Variants in CFAP43 observed in about 807,000 individuals in gnomAD.
The protein encoded by CFAP43 is cilia- and flagella-associated protein 43.
A neutral mutation model predicts 218.9 loss-of-function variants in CFAP43; 155 were observed. The ratio of observed to expected loss-of-function variants is 0.71; its 90% CI spans 0.62 to 0.81. The LOEUF is 0.81. Among genes scored for constraint, CFAP43 ranks in the 30% least tolerant of loss-of-function variants. The pLI is 0.00. For synonymous variants in CFAP43, 645 were observed against 681.3 expected (o/e 0.95, Z 0.83); for missense variants, 1,778 against 1,954.3 (o/e 0.91, Z 1.70).
At chr10:104,213,698 G>A (rs1258581212) in intron 4 of CFAP43, among the ~76,000 whole-genome samples, 1 of 152,076 alleles carries the variant, frequency 6.6e-6, no homozygotes, top group African/African-American at 2.4e-5. Flanking sequence ...ACCATGCCCG[G>A]CTAATTTTTT....
Position 104,232,350 on chromosome 10 carries a change from T to A in CFAP43, c.-104A>T, listed in dbSNP as rs900957093. The A allele has an allele frequency of 2.6e-5, 31 of 1,171,352 alleles. No individual in the cohort carries two copies. The highest frequency in any genetic ancestry group is 2.4e-4 in the African/African-American group (15 of 62,750). The allele number at this position is 1,171,352 out of a possible 1,614,324, so 72.6% of individuals were successfully genotyped here. A position where few individuals can be genotyped will look rare whatever the true frequency, so the allele number is the denominator to read the frequency against. On this transcript the variant is annotated 5_prime_UTR_variant, in exon 1 of 38. Transcript: ENST00000357060. ...GGGCTGCGGGCCGCGACGCCGCTGC[T>A]GTGTACACCCGTATCCCGGAGACCG...
intron 5 of CFAP43, among the ~76,000 whole-genome samples, chr10:104,210,982 G>A (rs71473514): frequency 0.037 from 5,555 of 151,582 alleles, 142 homozygotes; most frequent in South Asian, 0.097. Context: ...TAGTAGAGAC[G>A]GGGTTTCACT....
Position 104,131,434 on chromosome 10 carries a change from T to C in CFAP43, c.4728A>G (p.Gly1576=), listed in dbSNP as rs761454319. 2 of 1,613,644 alleles carry C rather than the reference T, an allele frequency of 1.2e-6. No homozygotes were observed. The highest frequency in any genetic ancestry group is 2.2e-5 in the South Asian group (2 of 90,902). The change falls in exon 37 of 38, where the codon GGA becomes GGG. Residue 1576 remains glycine, a synonymous_variant. Transcript: ENST00000357060. ...CTATATCTTTTTGATTGCTGAACTT[T>C]CCAAGTTTTTTGAGTAGTTTCTTGC... is the stretch of plus-strand genomic sequence containing the variant. The part of the protein sequence containing the change: ...ENCKKLLKKL[G]KFSNQKDIAN...
At chr10:104,227,835 CTTTTT>C (rs776193577) in intron 2 of CFAP43, among the ~76,000 whole-genome samples, 5 of 58,368 alleles carry the variant, frequency 8.6e-5, no homozygotes, top group African/African-American at 1.6e-4. Flanking sequence ...ATGTTTTCTA[CTTTTT>C]TTTTTTTTTT....
chr10:104,165,321 G>A (rs2089097551), intron 23 of CFAP43, among the ~76,000 whole-genome samples: 1 of 152,184 alleles, frequency 6.6e-6, no homozygotes, highest in Non-Finnish European at 1.5e-5. Context: ...GATCTGAACA[G>A]CTAGCACAAA....
chr10:104,221,019 A>T (rs2091165017), intron 3 of CFAP43, among the ~76,000 whole-genome samples: 1 of 150,924 alleles, frequency 6.6e-6, no homozygotes, highest in African/African-American at 2.5e-5. Context: ...TCTGTCACCC[A>T]GGCTGGAGTG....
At position 104,132,515 on chromosome 10, in the gene CFAP43, T is replaced by C. The variant is rs533819755; in HGVS notation, c.4597-319A>G. 382 of 445,102 alleles carry C rather than the reference T, an allele frequency of 8.6e-4. 1 individual carries two copies. The highest frequency in any genetic ancestry group is 8.0e-3 in the African/African-American group (372 of 46,656). The allele number at this position is 445,102 out of a possible 1,614,324, so 27.6% of individuals were successfully genotyped here. ...TGTAATCCCAGCTGCTCCGGGAGGGTGAGGCAGGAGAATTGCTTGAACCCA... is the reference window on the plus strand; with the variant it reads ...TGTAATCCCAGCTGCTCCGGGAGGGCGAGGCAGGAGAATTGCTTGAACCCA... On this transcript the variant is annotated intron_variant, in intron 35 of 37. Transcript: ENST00000357060.
chr10:104,230,323 G>A (rs912499814), intron 2 of CFAP43, among the ~76,000 whole-genome samples: 1 of 151,858 alleles, frequency 6.6e-6, no homozygotes. Flanking sequence ...AAATTAGCTG[G>A]GCGTGGTGGT....
chr10:104,162,208 GTGACCTC>G, intron 25 of CFAP43, 102 bp downstream of exon 25: 4 of 1,254,952 alleles, frequency 3.2e-6, no homozygotes, highest in Non-Finnish European at 4.7e-6. Flanking sequence ...TGAGATTCAA[GTGACCTC>G]TGACCACGAC....
chr10:104,230,608 T>A lies in CFAP43; in HGVS notation c.301A>T (p.Arg101Ter). The stretch of plus-strand genomic sequence containing the variant: ...AGAATACCTTTCAATTTGGTCCTTC[T>A]GGTCAATCCTGGAAAGCTGTATACG... ...IYVYSFPGLT[R>*]RTKLKGNILL... Residue 101 changes from arginine (R) to a stop codon, truncating the protein, a stop_gained, in exon 2 of 38, where the codon AGA (arginine) becomes TGA (stop). Coordinates refer to ENST00000357060, the MANE Select transcript of CFAP43 (RefSeq NM_025145.7). LOFTEE classifies it high-confidence loss of function. 5.0e-6 allele frequency: 8 copies of A among 1,614,076 alleles called. No homozygotes were observed. Among genetic ancestry groups the A allele is most frequent in the Non-Finnish European group, 6.8e-6 (8 of 1,179,996 alleles).
At chr10:104,159,333 C>G (rs1251287457) in intron 27 of CFAP43, among the ~76,000 whole-genome samples, 1 of 151,980 alleles carries the variant, frequency 6.6e-6, no homozygotes, top group Non-Finnish European at 1.5e-5. Context: ...TATACTGACC[C>G]AAATATCACA....
In CFAP43 at chr10:104,214,609, C is replaced by CA. The variant is rs1168042162; in HGVS notation, c.417-184dup. ...ATCATTGTATTGTATCCTAAGAAAG[C>CA]AAAAAAACTATGTTTTAAAAACACT... is the stretch of plus-strand genomic sequence containing the variant. On this transcript the variant is annotated intron_variant, in intron 3 of 37. Transcript: ENST00000357060. Among the ~76,000 whole-genome samples the CA allele has an allele frequency of 7.2e-5, 11 of 151,866 alleles. No individual in the cohort carries two copies. The East Asian group carries it at 1.3e-3, about 19-fold the overall frequency.
chr10:104,157,736 ATGTG>A lies in CFAP43; in HGVS notation c.3540+3297_3540+3300del, dbSNP rs71485761. ...TTGAGTTGGAATTGGAGCTAACTGGATGTGTGTGTGTGTGTGTGTGTGTGTGTGT... is the reference window on the plus strand; with the variant it reads ...TTGAGTTGGAATTGGAGCTAACTGGATGTGTGTGTGTGTGTGTGTGTGTGT... On this transcript the variant is annotated intron_variant, in intron 27 of 37. Coordinates refer to ENST00000357060, the MANE Select transcript of CFAP43 (RefSeq NM_025145.7). Among the ~76,000 whole-genome samples the A allele has an allele frequency of 4.2e-3, 452 of 107,156 alleles. 2 individuals carry two copies. Among genetic ancestry groups the A allele is most frequent in the African/African-American group, 0.017 (372 of 22,162 alleles). The allele number at this position is 107,156 out of a possible 152,430, so 70.3% of individuals were successfully genotyped here.
intron 34 of CFAP43, among the ~76,000 whole-genome samples, chr10:104,139,888 T>C (rs887788412): frequency 6.6e-6 from 1 of 152,114 alleles, no homozygotes; most frequent in African/African-American, 2.4e-5. Flanking sequence ...AAGCAAAAAA[T>C]AATAGCAATA....
intron 34 of CFAP43, among the ~76,000 whole-genome samples, chr10:104,139,072 T>C (rs1440786764): frequency 6.6e-6 from 1 of 152,204 alleles, no homozygotes. Flanking sequence ...TACAATAATA[T>C]GGTAACAGAT....
rs376228724 is a variant in CFAP43, at chr10:104,140,909, A to G, written c.4364T>C (p.Val1455Ala). ...GQVELENFQL[V>A]LEYSDAILIN... ...GAGAATTGCATCAGAATACTCCAGT[A>G]CTAGCTGGAAATTTTCCAGTTCTAC... Residue 1455 changes from valine (V) to alanine (A), a missense_variant, in exon 34 of 38, where the codon GTA becomes GCA. Val to Ala is a moderately conservative substitution (Grantham distance 64, BLOSUM62 0). Around this residue, in one of 3 missense-constraint regions of CFAP43, gnomAD observed 14 missense variants for 38.5 expected, o/e 0.36. Coordinates refer to ENST00000357060, the MANE Select transcript of CFAP43 (RefSeq NM_025145.7). 5.0e-6 allele frequency: 8 copies of G among 1,613,360 alleles called. No homozygotes were observed. The African/African-American group carries it at 8.0e-5, about 16-fold the overall frequency.
intron 35 of CFAP43, 49 bp downstream of exon 35, chr10:104,133,571 A>G: frequency 6.5e-7 from 1 of 1,548,232 alleles, no homozygotes; most frequent in Non-Finnish European, 8.7e-7. Flanking sequence ...ATGAATGAAT[A>G]CATTAATGAA....
chr10:104,146,246 A>G lies in CFAP43; in HGVS notation c.3855+17T>C. ...AACTCTACTGCATTGTTGAGTGGGT[A>G]AGACAACAACTCTCACTTTGTCTTC... On this transcript the variant is annotated intron_variant, in intron 30 of 37. Coordinates refer to ENST00000357060, the MANE Select transcript of CFAP43 (RefSeq NM_025145.7). 6.2e-7 allele frequency: 1 copy of G among 1,607,616 alleles called. No individual in the cohort carries two copies. Among genetic ancestry groups the G allele is most frequent in the Non-Finnish European group, 8.5e-7 (1 of 1,174,188 alleles).
chr10:104,132,313 T>C, intron 35 of CFAP43, 117 bp from the exon 36 acceptor site: 1 of 812,438 alleles, frequency 1.2e-6, no homozygotes, highest in Non-Finnish European at 1.8e-6. Context: ...CTATGCAAGT[T>C]AAGATTGATT....
Sources: gnomAD v4.1 joint callset for allele counts (sites outside exome capture counted in the v4.1 genomes callset) on GRCh38, gnomAD v4.1.1 for gene constraint, gnomAD v4.1.1 regional missense constraint, MANE v1.5 for transcripts, NCBI Gene and HGNC (gene_info 2026-07-23, HGNC 2026-07-21) for gene names.